DGKB: variants seen among roughly 807,000 people sequenced by gnomAD.
DGKB encodes diacylglycerol kinase beta.
Under a neutral mutation model 114.3 loss-of-function variants are expected in DGKB, and 67 were observed. The ratio of observed to expected loss-of-function variants is 0.59; its 90% CI spans 0.48 to 0.72. The LOEUF (loss-of-function observed/expected upper bound fraction) is 0.72. Among genes scored for constraint, DGKB ranks in the 30% least tolerant of loss-of-function variants. The pLI, the probability that DGKB is intolerant of heterozygous loss-of-function variation, is 0.00. For missense variants in DGKB, 907 were observed against 975.2 expected, an observed-to-expected ratio of 0.93 and a Z score of 0.93; for synonymous variants, 398 against 323.1, an observed-to-expected ratio of 1.23 and a Z score of -2.49.
chr7:14,405,416 C>T (rs7780569), intron 21 of DGKB, among the ~76,000 whole-genome samples: 114,160 of 151,920 alleles, frequency 0.75, 43,491 homozygotes, highest in Middle Eastern at 0.83. Flanking sequence ...AATGTCAGTT[C>T]CCTCAACTGT....
At chr7:14,351,294 T>C (rs892410425) in intron 21 of DGKB, among the ~76,000 whole-genome samples, 4 of 152,154 alleles carry the variant, frequency 2.6e-5, no homozygotes, top group Admixed American at 1.3e-4. Context: ...ACAAGTCAAA[T>C]GGAAGGGCCC....
chr7:14,944,924 G>A (rs1016133145), intron 1 of DGKB, among the ~76,000 whole-genome samples: 3 of 151,498 alleles, frequency 2.0e-5, no homozygotes, highest in Non-Finnish European at 2.9e-5. Context: ...TTTGTCTGGC[G>A]ATAATCATAC....
At chr7:14,681,713 T>G (rs1380093534) in intron 12 of DGKB, among the ~76,000 whole-genome samples, 1 of 152,114 alleles carries the variant, frequency 6.6e-6, no homozygotes, top group Non-Finnish European at 1.5e-5. Flanking sequence ...TGATTCTAAT[T>G]AACTTACAGA....
At chr7:14,693,108 T>C (rs1004840749) in intron 9 of DGKB, among the ~76,000 whole-genome samples, 1 of 152,166 alleles carries the variant, frequency 6.6e-6, no homozygotes, top group East Asian at 1.9e-4. Flanking sequence ...ATATTTCAGC[T>C]GGTAATAAGA....
At position 14,376,066 on chromosome 7, in the gene DGKB, C is replaced by T. The variant is rs988481036; in HGVS notation, c.1836-30675G>A. 2.0e-5 allele frequency among the ~76,000 whole-genome samples: 3 copies of T among 152,110 alleles called. No homozygotes were observed. In the East Asian group the frequency reaches 5.8e-4, roughly 29 times the overall value. On this transcript the variant is annotated intron_variant, in intron 21 of 25. Transcript: ENST00000402815. ...TAATCCAGGGTACATACAGATAATC[C>T]AGGGTAAAAGAGACTAGAAGTGACT... is the stretch of plus-strand genomic sequence containing the variant.
rs564271281 is a variant in DGKB at position 14,675,028 on chromosome 7, G to A, written c.1036-2001C>T. Among the ~76,000 whole-genome samples, 46 of 152,262 alleles carry A rather than the reference G, an allele frequency of 3.0e-4. No homozygotes were observed. In the South Asian group the frequency reaches 9.3e-3, roughly 31 times the overall value. On this transcript the variant is annotated intron_variant, in intron 12 of 25. Transcript: ENST00000402815. ...AGATTATGGGTCTTAAGACTCTGCTGCACTATGGATGTCACAGAGAAAGAG... is the reference window on the plus strand; with the variant it reads ...AGATTATGGGTCTTAAGACTCTGCTACACTATGGATGTCACAGAGAAAGAG...
At chr7:14,920,424 T>C (rs1279171159) in intron 1 of DGKB, among the ~76,000 whole-genome samples, 3 of 152,172 alleles carry the variant, frequency 2.0e-5, no homozygotes, top group Non-Finnish European at 4.4e-5. Flanking sequence ...ATTAGGTAAC[T>C]GCAAATTATA....
At chr7:14,314,438 G>A (rs1195514505) in intron 23 of DGKB, among the ~76,000 whole-genome samples, 3 of 151,716 alleles carry the variant, frequency 2.0e-5, no homozygotes, top group Non-Finnish European at 4.4e-5. Flanking sequence ...AGTGCTTAAA[G>A]GAGCTGATGG....
intron 4 of DGKB, among the ~76,000 whole-genome samples, chr7:14,749,505 G>A (rs978843555): frequency 6.6e-6 from 1 of 152,140 alleles, no homozygotes; most frequent in Non-Finnish European, 1.5e-5. Flanking sequence ...ATGGCCGAAA[G>A]ATAATGCTAC....
chr7:14,176,641 G>A (rs1781780106), intron 25 of DGKB, 198 bp downstream of exon 25: 3 of 1,314,542 alleles, frequency 2.3e-6, no homozygotes, highest in African/African-American at 1.5e-5. Context: ...ACATTCAAGA[G>A]CTAAATCATT....
intron 2 of DGKB, among the ~76,000 whole-genome samples, chr7:14,769,030 A>T (rs745512909): frequency 1.3e-5 from 2 of 151,194 alleles, no homozygotes; most frequent in Non-Finnish European, 2.9e-5. Context: ...CATCTGGTAA[A>T]AACAAAGCTA....
At chr7:14,164,305 G>C (rs1192876648) in intron 25 of DGKB, among the ~76,000 whole-genome samples, 1 of 152,166 alleles carries the variant, frequency 6.6e-6, no homozygotes, top group African/African-American at 2.4e-5. Flanking sequence ...TAAAAACGGT[G>C]TGTCTACCAA....
intron 20 of DGKB, among the ~76,000 whole-genome samples, chr7:14,529,331 A>T (rs945521974): frequency 4.6e-5 from 7 of 151,904 alleles, no homozygotes; most frequent in African/African-American, 1.2e-4. Flanking sequence ...GTTTGTTATA[A>T]AAGTTGAAAA....
At chr7:14,478,811 A>C (rs1028993494) in intron 20 of DGKB, among the ~76,000 whole-genome samples, 5 of 151,804 alleles carry the variant, frequency 3.3e-5, no homozygotes, top group Admixed American at 6.6e-5. Flanking sequence ...TAGAAAAAAA[A>C]AACAACAACA....
intron 21 of DGKB, among the ~76,000 whole-genome samples, chr7:14,400,303 G>A (rs1822903001): frequency 6.6e-6 from 1 of 151,808 alleles, no homozygotes; most frequent in African/African-American, 2.4e-5. Flanking sequence ...GTTAAGCAGT[G>A]ATTCCTCAGA....
At chr7:14,285,066 C>G (rs557303169) in intron 23 of DGKB, among the ~76,000 whole-genome samples, 2 of 152,016 alleles carry the variant, frequency 1.3e-5, no homozygotes, top group South Asian at 2.1e-4. Context: ...AATTATACTG[C>G]TAAACCTTAC....
At chr7:14,430,376 C>T (rs1828278294) in intron 21 of DGKB, among the ~76,000 whole-genome samples, 1 of 152,146 alleles carries the variant, frequency 6.6e-6, no homozygotes, top group African/African-American at 2.4e-5. Context: ...ATTTCACTGG[C>T]TGTTGAGATA....
At chr7:14,622,551 A>G (rs28715709) in intron 14 of DGKB, among the ~76,000 whole-genome samples, 4,132 of 152,248 alleles carry the variant, frequency 0.027, 174 homozygotes, top group African/African-American at 0.095. Context: ...AATGTCCAAG[A>G]TTAGTTTTAA....
chr7:14,664,734 T>G (rs1057193281), intron 13 of DGKB, among the ~76,000 whole-genome samples: 1 of 152,008 alleles, frequency 6.6e-6, no homozygotes, highest in African/African-American at 2.4e-5. Context: ...GATTCCCACC[T>G]CTAGAGCCCC....
Sources: gnomAD v4.1 joint callset for allele counts (sites outside exome capture counted in the v4.1 genomes callset) on GRCh38, gnomAD v4.1.1 for gene constraint, MANE v1.5 for transcripts, NCBI Gene and HGNC (gene_info 2026-07-23, HGNC 2026-07-21) for gene names.